Variants in HNRNPLL observed in about 807,000 individuals in gnomAD.
The protein encoded by HNRNPLL is heterogeneous nuclear ribonucleoprotein L-like.
A neutral mutation model predicts 67.1 loss-of-function variants in HNRNPLL; 25 were observed. That is an observed-to-expected ratio of 0.37 (90% CI 0.27 to 0.52). The LOEUF (loss-of-function observed/expected upper bound fraction) is 0.52, where lower values mean the gene tolerates loss of function less well. Ranked by LOEUF, HNRNPLL falls within the 20% of genes least tolerant of loss-of-function variation. The pLI, the probability that HNRNPLL is intolerant of heterozygous loss-of-function variation, is 0.90. For missense variants in HNRNPLL, 542 were observed against 673.9 expected (o/e 0.80, Z 2.17); for synonymous variants, 267 against 241.7 (o/e 1.10, Z -0.97).
chr2:38,592,496 T>C (rs1457959228), intron 1 of HNRNPLL, among the ~76,000 whole-genome samples: 3 of 152,256 alleles, frequency 2.0e-5, no homozygotes, highest in Admixed American at 6.5e-5. Context: ...CTTAAATTTA[T>C]ACAAGGGTAC....
rs756134985 is a variant in HNRNPLL at position 38,569,095 on chromosome 2, T to C, written c.1416+38A>G. ...CTAAAACAGATTTTAAAATAGGAAA[T>C]AGCAACATTCTATACACATTTGTAT... On this transcript the variant is annotated intron_variant, in intron 10 of 12. Coordinates refer to ENST00000449105, the MANE Select transcript of HNRNPLL (RefSeq NM_138394.4). 8.0e-6 allele frequency: 11 copies of C among 1,377,180 alleles called. No homozygotes were observed. The East Asian group carries it at 2.1e-4, about 26-fold the overall frequency. The allele number at this position is 1,377,180 out of a possible 1,614,324, so 85.3% of individuals were successfully genotyped here. A position where few individuals can be genotyped will look rare whatever the true frequency, so the allele number is the denominator to read the frequency against.
At position 38,563,577 on chromosome 2, in the gene HNRNPLL, T is replaced by C. The variant is rs1344911297; in HGVS notation, c.*605A>G. On this transcript the variant is annotated 3_prime_UTR_variant, in exon 13 of 13. Transcript: ENST00000449105. ...GAGGCATGTCAATACAAATGGACAG[T>C]GACTTAAAAAAAAATACACCAATTT... 6.6e-6 allele frequency: 1 copy of C among 152,020 alleles called. No homozygotes were observed. Among genetic ancestry groups the C allele is most frequent in the East Asian group, 1.9e-4 (1 of 5,192 alleles). The allele number at this position is 152,020 out of a possible 1,614,324, so 9.4% of individuals were successfully genotyped here. A position where few individuals can be genotyped will look rare whatever the true frequency, so the allele number is the denominator to read the frequency against.
chr2:38,562,277 G>A lies in HNRNPLL; in HGVS notation c.*1905C>T, dbSNP rs1436169317. ...CACCAGTGTATAAATCTATCAGCAA[G>A]GCCCAACTTACCAACTAGTTTACTC... On this transcript the variant is annotated 3_prime_UTR_variant, in exon 13 of 13. Coordinates refer to ENST00000449105, the MANE Select transcript of HNRNPLL (RefSeq NM_138394.4). The A allele has an allele frequency of 6.6e-6, 1 of 152,140 alleles. No homozygotes were observed. Among genetic ancestry groups the A allele is most frequent in the Non-Finnish European group, 1.5e-5 (1 of 68,020 alleles). 9.4% of individuals were successfully genotyped at this position (152,140 alleles called of 1,614,324 possible). A position where few individuals can be genotyped will look rare whatever the true frequency, so the allele number is the denominator to read the frequency against.
intron 1 of HNRNPLL, among the ~76,000 whole-genome samples, chr2:38,600,749 CA>C (rs58338837): frequency 5.6e-3 from 739 of 131,176 alleles, no homozygotes; most frequent in Non-Finnish European, 6.2e-3. Flanking sequence ...GAGATCCTCT[CA>C]AAAAAAAAAA....
At chr2:38,567,980 G>A (rs1038822712) in intron 12 of HNRNPLL, 13 of 426,894 alleles carry the variant, frequency 3.0e-5, no homozygotes, top group African/African-American at 1.2e-4. Context: ...CTCAGAAACA[G>A]TAAGATAATA....
chr2:38,575,064 C>T (rs1053027018), intron 7 of HNRNPLL, among the ~76,000 whole-genome samples: 5 of 151,700 alleles, frequency 3.3e-5, no homozygotes. Context: ...GCAGTGGAAA[C>T]TTTTACTCTA....
intron 7 of HNRNPLL, 63 bp from the exon 8 acceptor site, chr2:38,573,490 T>C: frequency 2.8e-6 from 3 of 1,062,884 alleles, no homozygotes; most frequent in Non-Finnish European, 4.2e-6. Flanking sequence ...TGTAAATACT[T>C]TAGTAGATAT....
intron 12 of HNRNPLL, among the ~76,000 whole-genome samples, chr2:38,565,790 C>G (rs950523776): frequency 1.7e-4 from 24 of 143,026 alleles, no homozygotes; most frequent in Admixed American, 1.2e-3. Context: ...TAGGAATTTT[C>G]AAACATACAC....
intron 1 of HNRNPLL, among the ~76,000 whole-genome samples, chr2:38,600,662 G>T (rs975919496): frequency 6.6e-6 from 1 of 151,582 alleles, no homozygotes; most frequent in African/African-American, 2.4e-5. Flanking sequence ...GAGACAGGGA[G>T]ATCAAGGCTG....
At chr2:38,564,825 T>C (rs1040136980) in intron 12 of HNRNPLL, among the ~76,000 whole-genome samples, 2 of 151,918 alleles carry the variant, frequency 1.3e-5, no homozygotes, top group Non-Finnish European at 2.9e-5. Flanking sequence ...AAAGCTCACA[T>C]TGCAAAAATA....
At position 38,564,228 on chromosome 2, in the gene HNRNPLL, T is replaced by C; in HGVS notation, c.1583A>G (p.Asn528Ser). 7 of 1,553,968 alleles carry C rather than the reference T, an allele frequency of 4.5e-6. No homozygotes were observed. Among genetic ancestry groups the C allele is most frequent in the Non-Finnish European group, 4.4e-6 (5 of 1,126,486 alleles). ...AAAGCAAAGCTTCAATGTATAGGGA[T>C]TGGAACCATCTGTAAAAAGTAAAAA... ...HYQIRVPNGS[N>S]PYTLKLCFST... is the part of the protein sequence containing the mutation. The change falls in exon 13 of 13, where the codon AAT (asparagine) becomes AGT (serine). Residue 528 changes from asparagine (N) to serine (S), a missense_variant. Physicochemically the swap from Asn to Ser is conservative, Grantham distance 46. Transcript: ENST00000449105.
At chr2:38,596,446 C>T (rs1667196647) in intron 1 of HNRNPLL, among the ~76,000 whole-genome samples, 2 of 152,116 alleles carry the variant, frequency 1.3e-5, no homozygotes, top group Non-Finnish European at 2.9e-5. Context: ...TTAATAGAGA[C>T]AGGGTTTCAC....
At chr2:38,578,747 T>C (rs1208882273) in intron 6 of HNRNPLL, among the ~76,000 whole-genome samples, 1 of 152,098 alleles carries the variant, frequency 6.6e-6, no homozygotes, top group African/African-American at 2.4e-5. Flanking sequence ...TAGCCCTAAA[T>C]TGTGAGAAAA....
At chr2:38,586,991 G>T (rs1187116480) in intron 2 of HNRNPLL, among the ~76,000 whole-genome samples, 4 of 152,148 alleles carry the variant, frequency 2.6e-5, no homozygotes, top group African/African-American at 9.7e-5. Flanking sequence ...ACAGCACCTG[G>T]ATCACAATGG....
chr2:38,567,960 A>G (rs1432714231), intron 12 of HNRNPLL: 2 of 358,096 alleles, frequency 5.6e-6, no homozygotes, highest in Non-Finnish European at 1.0e-5. Context: ...ATGCACCCAA[A>G]ATACTAACCC....
chr2:38,568,918 TC>T (rs1295834664), intron 10 of HNRNPLL, among the ~76,000 whole-genome samples: 1 of 152,030 alleles, frequency 6.6e-6, no homozygotes, highest in Non-Finnish European at 1.5e-5. Flanking sequence ...ATTCCAACTC[TC>T]AAAAGGATTG....
intron 6 of HNRNPLL, among the ~76,000 whole-genome samples, chr2:38,578,263 C>T (rs1666379003): frequency 6.6e-6 from 1 of 152,036 alleles, no homozygotes; most frequent in African/African-American, 2.4e-5. Context: ...AATTTTTATT[C>T]TAGCTACGTT....
intron 1 of HNRNPLL, among the ~76,000 whole-genome samples, chr2:38,601,085 G>A (rs1667412465): frequency 6.6e-6 from 1 of 152,090 alleles, no homozygotes. Context: ...CAACAGAGTT[G>A]GCTTTGAACT....
At chr2:38,602,275 G>C (rs890767095) in intron 1 of HNRNPLL, 163 bp downstream of exon 1, 12 of 647,922 alleles carry the variant, frequency 1.9e-5, no homozygotes, top group African/African-American at 3.9e-5. Context: ...GCGGGAAACA[G>C]GTAGAGGCCA....
Sources: allele counts gnomAD v4.1 joint callset (sites outside exome capture counted in the v4.1 genomes callset), GRCh38; gene constraint gnomAD v4.1.1; transcripts MANE v1.5; gene names NCBI Gene and HGNC (gene_info 2026-07-23, HGNC 2026-07-21).